Variants in ZMAT3 observed in about 807,000 individuals in gnomAD.
The protein encoded by ZMAT3 is zinc finger matrin-type protein 3.
ZMAT3 carries 17 observed loss-of-function variants against 32.3 expected under a neutral mutation model. That is an observed-to-expected ratio of 0.53 (90% CI 0.36 to 0.79). The LOEUF is 0.79. Among genes scored for constraint, ZMAT3 ranks in the 30% least tolerant of loss-of-function variants. ZMAT3 has a pLI of 0.00. For missense variants in ZMAT3, 329 were observed against 359.7 expected (o/e 0.91, Z 0.69); for synonymous variants, 120 against 133.1 (o/e 0.90, Z 0.68).
chr3:179,050,966 C>A (rs1720523335), intron 2 of ZMAT3, among the ~76,000 whole-genome samples: 2 of 152,148 alleles, frequency 1.3e-5, no homozygotes, highest in South Asian at 4.1e-4. Flanking sequence ...TCAGCAAAAT[C>A]AGCATAGAAG....
chr3:179,038,463 AGCT>A, intron 2 of ZMAT3, among the ~76,000 whole-genome samples: 1 of 152,194 alleles, frequency 6.6e-6, no homozygotes, highest in Non-Finnish European at 1.5e-5. Flanking sequence ...CTATGGTCCC[AGCT>A]GCTGGGAGCA....
rs1718642037 is a variant in ZMAT3 at position 179,023,217 on chromosome 3, A to C, written c.*1800T>G. ...TGCTCTGTCGCCCAGACTGGAGTGC[A>C]GTGGCACGATTCTTGGCTGACTGCA... On this transcript the variant is annotated 3_prime_UTR_variant, in exon 6 of 6. Coordinates refer to ENST00000311417, the MANE Select transcript of ZMAT3 (RefSeq NM_022470.4). The C allele has an allele frequency of 1.3e-5, 2 of 150,046 alleles. No homozygotes were observed. The highest frequency in any genetic ancestry group is 4.9e-5 in the African/African-American group (2 of 40,640). 9.3% of individuals were successfully genotyped at this position (150,046 alleles called of 1,614,324 possible).
At chr3:179,067,412 ACAACTG>A in intron 2 of ZMAT3, 65 bp downstream of exon 2, 2 of 1,522,408 alleles carry the variant, frequency 1.3e-6, no homozygotes, top group Non-Finnish European at 1.8e-6. Context: ...ATCTGGAGAG[ACAACTG>A]CTAAATAGCC....
chr3:179,055,813 G>C (rs148876820), intron 2 of ZMAT3, among the ~76,000 whole-genome samples: 29 of 152,300 alleles, frequency 1.9e-4, no homozygotes, highest in African/African-American at 7.0e-4. Context: ...TGAGAGAAGT[G>C]CCGCTGTAAC....
At position 179,067,512 on chromosome 3, in the gene ZMAT3, A is replaced by C. The variant is rs1195479733; in HGVS notation, c.241T>G (p.Ser81Ala). The C allele has an allele frequency of 1.9e-6, 3 of 1,614,162 alleles. No homozygotes were observed. In the South Asian group the frequency reaches 3.3e-5, roughly 18 times the overall value. Residue 81 changes from serine to alanine, a missense_variant, in exon 2 of 6, where the codon TCT becomes GCT. Physicochemically the swap from Ser to Ala is moderately conservative, Grantham distance 99. Coordinates refer to ENST00000311417, the MANE Select transcript of ZMAT3 (RefSeq NM_022470.4). ...TAATGAGCCTGGGCTTGCTGTGCAG[A>C]GTTCAAGGTGACATTGCAGAGTTTG... The part of the protein sequence containing the change: ...YCKLCNVTLN[S>A]AQQAQAHYQG...
intron 3 of ZMAT3, among the ~76,000 whole-genome samples, chr3:179,030,576 G>A (rs865825166): frequency 7.2e-5 from 11 of 152,148 alleles, no homozygotes; most frequent in Admixed American, 5.2e-4. Context: ...TGATGGTCTC[G>A]ATCTCTTGAC....
intron 5 of ZMAT3, among the ~76,000 whole-genome samples, chr3:179,026,717 A>T (rs1317170399): frequency 6.6e-6 from 1 of 151,942 alleles, no homozygotes; most frequent in East Asian, 1.9e-4. Flanking sequence ...TCCTTTTTTT[A>T]GTAGGCTTCT....
In ZMAT3 at chr3:179,046,162, C is replaced by G. The variant is rs1026754859; in HGVS notation, c.271-15163G>C. ...GAAGAAGTCACTAAAAGCAGAAGAACAGCTGATACAGGAGCTGAAGAGCAT... is the reference window on the plus strand; with the variant it reads ...GAAGAAGTCACTAAAAGCAGAAGAAGAGCTGATACAGGAGCTGAAGAGCAT... On this transcript the variant is annotated intron_variant, in intron 2 of 5. Transcript: ENST00000311417. The surrounding 1 kb of genome is among the most constrained non-coding windows in gnomAD (Gnocchi z 4.3). Among the ~76,000 whole-genome samples, 1 of 152,076 alleles carries G rather than the reference C, an allele frequency of 6.6e-6. No individual in the cohort carries two copies. Among genetic ancestry groups the G allele is most frequent in the Non-Finnish European group, 1.5e-5 (1 of 68,024 alleles).
intron 2 of ZMAT3, among the ~76,000 whole-genome samples, chr3:179,066,694 A>G (rs1030531595): frequency 1.3e-5 from 2 of 152,256 alleles, no homozygotes; most frequent in African/African-American, 4.8e-5. Flanking sequence ...GAAATTATTT[A>G]ACTTTATACA....
intron 2 of ZMAT3, among the ~76,000 whole-genome samples, chr3:179,048,983 T>C (rs1469248079): frequency 6.6e-6 from 1 of 152,168 alleles, no homozygotes; most frequent in Non-Finnish European, 1.5e-5. Flanking sequence ...AAAAAAGATA[T>C]TCTATGCAAA....
chr3:179,065,837 C>G (rs777463136), intron 2 of ZMAT3, among the ~76,000 whole-genome samples: 11 of 152,060 alleles, frequency 7.2e-5, no homozygotes, highest in Non-Finnish European at 1.5e-4. Context: ...ACCCCGGAGA[C>G]AGGGGCTGCA....
At position 179,027,527 on chromosome 3, in the gene ZMAT3, G is replaced by C. The variant is rs372719235; in HGVS notation, c.558-4C>G. ...TTGACCCAGCTCTGAGGATTCCCTGGAGAAAAGAAGTTTAAAAAAGAGTGA... is the reference window on the plus strand; with the variant it reads ...TTGACCCAGCTCTGAGGATTCCCTGCAGAAAAGAAGTTTAAAAAAGAGTGA... On this transcript the variant is annotated splice_polypyrimidine_tract_variant and splice_region_variant and intron_variant, in intron 4 of 5. Coordinates refer to ENST00000311417, the MANE Select transcript of ZMAT3 (RefSeq NM_022470.4). The C allele has an allele frequency of 1.9e-6, 3 of 1,614,046 alleles. No homozygotes were observed. The African/African-American group carries it at 4.0e-5, about 22-fold the overall frequency.
rs112042679 is a variant in ZMAT3 at position 179,037,078 on chromosome 3, T to G, written c.271-6079A>C. On this transcript the variant is annotated intron_variant, in intron 2 of 5. Transcript: ENST00000311417. Reference sequence around the variant, plus strand: ...TCTCTGCTGAGAGCTTTCCTTCTATTGCTCAATGAAATTCTTCTCCACCCT... The same window carrying G: ...TCTCTGCTGAGAGCTTTCCTTCTATGGCTCAATGAAATTCTTCTCCACCCT... 6.7e-3 allele frequency among the ~76,000 whole-genome samples: 1,022 copies of G among 152,226 alleles called. 13 individuals carry two copies. Among genetic ancestry groups the G allele is most frequent in the African/African-American group, 0.023 (955 of 41,528 alleles).
chr3:179,060,241 AC>A (rs74638319), intron 2 of ZMAT3, among the ~76,000 whole-genome samples: 86,206 of 151,718 alleles, frequency 0.57, 24,643 homozygotes, highest in East Asian at 0.76. Context: ...GCAGAGACAA[AC>A]AATATAAAGT....
chr3:179,019,185 A>C lies in ZMAT3; in HGVS notation c.*5832T>G, dbSNP rs573603375. ...TATGACAAGCACTTAAAAATGACCA[A>C]TTCTAAAATAAACTTGTGTTTGAAA... On this transcript the variant is annotated 3_prime_UTR_variant, in exon 6 of 6. Coordinates refer to ENST00000311417, the MANE Select transcript of ZMAT3 (RefSeq NM_022470.4). 1 of 152,218 alleles carries C rather than the reference A, an allele frequency of 6.6e-6. No homozygotes were observed. Among genetic ancestry groups the C allele is most frequent in the East Asian group, 1.9e-4 (1 of 5,184 alleles). The allele number at this position is 152,218 out of a possible 1,614,324, so 9.4% of individuals were successfully genotyped here.
chr3:179,062,037 T>G (rs931104168), intron 2 of ZMAT3, among the ~76,000 whole-genome samples: 1 of 152,184 alleles, frequency 6.6e-6, no homozygotes, highest in African/African-American at 2.4e-5. Context: ...AACAGGTGAT[T>G]ACTACTTTTC....
intron 2 of ZMAT3, among the ~76,000 whole-genome samples, chr3:179,033,346 T>TGTGGAAG (rs1719395541): frequency 6.6e-6 from 1 of 152,086 alleles, no homozygotes; most frequent in African/African-American, 2.4e-5. Flanking sequence ...ACACAAACAC[T>TGTGGAAG]GCGGAAGGCG....
At chr3:179,050,432 T>A (rs1720494335) in intron 2 of ZMAT3, among the ~76,000 whole-genome samples, 1 of 150,960 alleles carries the variant, frequency 6.6e-6, no homozygotes, top group African/African-American at 2.4e-5. Flanking sequence ...ACATAGAAAC[T>A]GAACAGACCA....
chr3:179,023,768 T>C lies in ZMAT3; in HGVS notation c.*1249A>G, dbSNP rs1198526860. 2 of 114,624 alleles carry C rather than the reference T, an allele frequency of 1.7e-5. No homozygotes were observed. Among genetic ancestry groups the C allele is most frequent in the Non-Finnish European group, 3.4e-5 (2 of 59,154 alleles). The allele number at this position is 114,624 out of a possible 1,614,324, so 7.1% of individuals were successfully genotyped here. A position where few individuals can be genotyped will look rare whatever the true frequency, so the allele number is the denominator to read the frequency against. On this transcript the variant is annotated 3_prime_UTR_variant, in exon 6 of 6. Coordinates refer to ENST00000311417, the MANE Select transcript of ZMAT3 (RefSeq NM_022470.4). The stretch of plus-strand genomic sequence containing the variant: ...CGGAGTCTCGCTCTGTCACCCAGGC[T>C]GGAGTGCAGTGGCGCGATCTCGGCT...
Sources: allele counts gnomAD v4.1 joint callset (sites outside exome capture counted in the v4.1 genomes callset), GRCh38; gene constraint gnomAD v4.1.1; non-coding constraint Gnocchi (gnomAD v3.1); transcripts MANE v1.5; gene names NCBI Gene and HGNC (gene_info 2026-07-23, HGNC 2026-07-21).